ABCA13: variants seen among roughly 807,000 people sequenced by gnomAD.
ABCA13 encodes the protein ATP binding cassette subfamily A member 13, also known as ATP-binding cassette sub-family A member 13.
ABCA13 carries 476 observed loss-of-function variants against 478.7 expected under a neutral mutation model. The observed-to-expected ratio is 0.99, with a 90% confidence interval of 0.92 to 1.07. ABCA13 has a LOEUF of 1.07. Ranked by LOEUF, ABCA13 falls within the 50% of genes least tolerant of loss-of-function variation. The probability of loss-of-function intolerance (pLI) is 0.00; values close to 1 mark genes in which losing one functional copy is unlikely to be tolerated. For missense variants in ABCA13, 6,060 were observed against 5,910.6 expected (o/e 1.03, Z -0.83); for synonymous variants, 2,252 against 2,158.9 (o/e 1.04, Z -1.20).
chr7:48,289,454 G>C (rs1444563203), intron 20 of ABCA13, among the ~76,000 whole-genome samples: 1 of 151,606 alleles, frequency 6.6e-6, no homozygotes, highest in African/African-American at 2.4e-5. Flanking sequence ...TGCCTCCCGG[G>C]TTCAAGTGAT....
rs1167357325 is a variant in ABCA13 at position 48,279,972 on chromosome 7, A to G, written c.8726+52A>G. The G allele has an allele frequency of 2.7e-6, 4 of 1,456,380 alleles. No homozygotes were observed. In the African/African-American group the frequency reaches 4.3e-5, roughly 15 times the overall value. The allele number at this position is 1,456,380 out of a possible 1,614,324, so 90.2% of individuals were successfully genotyped here. A position where few individuals can be genotyped will look rare whatever the true frequency, so the allele number is the denominator to read the frequency against. Reference sequence around the variant, plus strand: ...TTTTTTTCTCTACCGCAGTAGCTATAAAATAGAACCATGCAGGAATTACAG... The same window carrying G: ...TTTTTTTCTCTACCGCAGTAGCTATGAAATAGAACCATGCAGGAATTACAG... On this transcript the variant is annotated intron_variant, in intron 18 of 61. Coordinates refer to ENST00000435803, the MANE Select transcript of ABCA13 (RefSeq NM_152701.5).
intron 42 of ABCA13, among the ~76,000 whole-genome samples, chr7:48,452,160 C>T (rs142212675): frequency 3.3e-5 from 5 of 152,106 alleles, no homozygotes; most frequent in African/African-American, 4.8e-5. Flanking sequence ...ACAGACTTAT[C>T]GAGGCTGTCT....
rs770822658 is a variant in ABCA13, at chr7:48,272,815, C to T, written c.3149C>T (p.Thr1050Ile). ...CTTCAGGCCCAATCCTTCATGTCTA[C>T]AGAGGGCCAAGAACTGGAAGTGATC... ...LELQAQSFMS[T>I]EGQELEVIHT... Residue 1050 changes from threonine to isoleucine, a missense_variant, in exon 17 of 62, where the codon ACA (threonine) becomes ATA (isoleucine). Physicochemically the swap from Thr to Ile is moderately conservative, Grantham distance 89 (BLOSUM62 -1). This residue lies in a region of ABCA13 where 4,423 missense variants were observed against 4,309.1 expected (regional missense o/e 1.03). Transcript: ENST00000435803. 3 of 1,606,220 alleles carry T rather than the reference C, an allele frequency of 1.9e-6. No homozygotes were observed. Among genetic ancestry groups the T allele is most frequent in the South Asian group, 2.2e-5 (2 of 90,164 alleles).
chr7:48,537,060 AT>A (rs1833633591), intron 55 of ABCA13, among the ~76,000 whole-genome samples: 1 of 151,932 alleles, frequency 6.6e-6, no homozygotes, highest in South Asian at 2.1e-4. Flanking sequence ...TTTGTGTTTT[AT>A]TTCTATAAGT....
intron 59 of ABCA13, among the ~76,000 whole-genome samples, chr7:48,636,776 C>T (rs1201688073): frequency 2.6e-5 from 4 of 152,286 alleles, no homozygotes; most frequent in African/African-American, 7.2e-5. Context: ...TCAGCTGTTT[C>T]CCCTCTTGTG....
rs935724361 is a variant in ABCA13 at position 48,481,170 on chromosome 7, T to C, written c.13094+16T>C. 6.6e-7 allele frequency: 1 copy of C among 1,518,588 alleles called. No homozygotes were observed. Among genetic ancestry groups the C allele is most frequent in the Non-Finnish European group, 9.0e-7 (1 of 1,112,232 alleles). The allele number at this position is 1,518,588 out of a possible 1,614,324, so 94.1% of individuals were successfully genotyped here. A position where few individuals can be genotyped will look rare whatever the true frequency, so the allele number is the denominator to read the frequency against. Reference sequence around the variant, plus strand: ...AAAAACCAAGGTGTGTTCAATACTCTTGTTGGGTCTTTACTTGTTTGGATT... The same window carrying C: ...AAAAACCAAGGTGTGTTCAATACTCCTGTTGGGTCTTTACTTGTTTGGATT... On this transcript the variant is annotated intron_variant, in intron 46 of 61. Transcript: ENST00000435803.
At chr7:48,222,630 A>G (rs1183277672) in intron 5 of ABCA13, among the ~76,000 whole-genome samples, 1 of 152,204 alleles carries the variant, frequency 6.6e-6, no homozygotes, top group East Asian at 1.9e-4. Context: ...ATCAAGTGTA[A>G]AAAGCAGAGG....
Position 48,389,146 on chromosome 7 carries a change from C to T in ABCA13, c.11580C>T (p.Asp3860=), listed in dbSNP as rs369273399. ...EYEGHKAVVQ[D]LSLTFYRDQI... ...AGGGCCACAAGGCTGTGGTCCAAGACCTCAGCCTGACCTTCTACAGAGACC... is the reference window on the plus strand; with the variant it reads ...AGGGCCACAAGGCTGTGGTCCAAGATCTCAGCCTGACCTTCTACAGAGACC... Residue 3860 remains aspartate, a synonymous_variant, in exon 37 of 62, where the codon GAC becomes GAT. Coordinates refer to ENST00000435803, the MANE Select transcript of ABCA13 (RefSeq NM_152701.5). The T allele has an allele frequency of 1.9e-6, 3 of 1,613,986 alleles. No individual in the cohort carries two copies. Among genetic ancestry groups the T allele is most frequent in the South Asian group, 1.1e-5 (1 of 91,078 alleles).
intron 8 of ABCA13, among the ~76,000 whole-genome samples, chr7:48,238,506 T>C (rs1213423534): frequency 1.3e-5 from 2 of 151,982 alleles, no homozygotes; most frequent in African/African-American, 4.8e-5. Context: ...TCTCACTCTG[T>C]TGCCCAGGCT....
intron 3 of ABCA13, among the ~76,000 whole-genome samples, chr7:48,205,151 T>A (rs1298563245): frequency 6.6e-6 from 1 of 152,230 alleles, no homozygotes; most frequent in Non-Finnish European, 1.5e-5. Flanking sequence ...CTTATTTTAT[T>A]TTTACACCGT....
chr7:48,295,976 T>G (rs889232092), intron 21 of ABCA13, 113 bp downstream of exon 21: 11 of 1,231,316 alleles, frequency 8.9e-6, no homozygotes, highest in Non-Finnish European at 1.2e-5. Flanking sequence ...ATACTCTTAA[T>G]GTGCATATTA....
At chr7:48,390,423 A>G (rs1026335769) in intron 37 of ABCA13, among the ~76,000 whole-genome samples, 1 of 152,262 alleles carries the variant, frequency 6.6e-6, no homozygotes, top group African/African-American at 2.4e-5. Context: ...ACTATTTTAT[A>G]GTATCCCCCA....
chr7:48,474,757 T>G (rs1322451996), intron 45 of ABCA13, among the ~76,000 whole-genome samples: 1 of 152,146 alleles, frequency 6.6e-6, no homozygotes, highest in East Asian at 1.9e-4. Flanking sequence ...AGATCTCTGA[T>G]TTTTTACACC....
chr7:48,620,735 T>C (rs1793056327), intron 59 of ABCA13, among the ~76,000 whole-genome samples: 1 of 152,174 alleles, frequency 6.6e-6, no homozygotes, highest in African/African-American at 2.4e-5. Context: ...TGGCCAGATC[T>C]GAAACGTGTC....
Position 48,279,084 on chromosome 7 carries a change from C to T in ABCA13, c.7890C>T (p.Asp2630=). 6.2e-7 allele frequency: 1 copy of T among 1,612,474 alleles called. No individual in the cohort carries two copies. The highest frequency in any genetic ancestry group is 8.5e-7 in the Non-Finnish European group (1 of 1,179,684). The change falls in exon 18 of 62, where the codon GAC becomes GAT. Residue 2630 remains aspartate (D), a synonymous_variant. Transcript: ENST00000435803. ...TCTCATATATGAACCAATCTAAGGACTTTTCTGATATTTTGGAAGAAATTG... is the reference window on the plus strand; with the variant it reads ...TCTCATATATGAACCAATCTAAGGATTTTTCTGATATTTTGGAAGAAATTG... ...SILSYMNQSK[D]FSDILEEIAE...
chr7:48,575,520 G>A (rs904312850), intron 55 of ABCA13, among the ~76,000 whole-genome samples: 21 of 152,030 alleles, frequency 1.4e-4, no homozygotes, highest in African/African-American at 3.1e-4. Context: ...TTAAAAGTGC[G>A]GAATATTAAA....
Position 48,227,329 on chromosome 7 carries a change from G to A in ABCA13, c.536G>A (p.Trp179Ter). ...AGCCTCCATCAGCAGCCTCATATCT[G>A]GGATTTTCTACTTTTACTGCCGAGA... ...LESLHQQPHI[W>*]DFLLLLPRLH... Residue 179 changes from tryptophan to a stop codon, truncating the protein, a stop_gained, in exon 6 of 62, where the codon TGG becomes TAG. Coordinates refer to ENST00000435803, the MANE Select transcript of ABCA13 (RefSeq NM_152701.5). LOFTEE classifies it high-confidence loss of function. 6.5e-7 allele frequency: 1 copy of A among 1,540,112 alleles called. No individual in the cohort carries two copies. Among genetic ancestry groups the A allele is most frequent in the Non-Finnish European group, 8.7e-7 (1 of 1,144,058 alleles).
chr7:48,227,487 A>G (rs543507761), intron 6 of ABCA13, 62 bp downstream of exon 6: 2 of 1,526,890 alleles, frequency 1.3e-6, no homozygotes, highest in Non-Finnish European at 1.8e-6. Flanking sequence ...TTATTTTTAA[A>G]ATGAGAAATA....
rs763581695 is a variant in ABCA13, at chr7:48,309,813, G to A, written c.9322-134G>A. ...AATCGAACCCCAGTTTGGGCTCCCC[G>A]CATCTGCAGGTCAGTCCCGGGAGTT... On this transcript the variant is annotated intron_variant, in intron 23 of 61. Transcript: ENST00000435803. The A allele has an allele frequency of 4.8e-4, 426 of 895,150 alleles. 1 individual carries two copies. The highest frequency in any genetic ancestry group is 6.7e-4 in the Non-Finnish European group (402 of 597,680). The allele number at this position is 895,150 out of a possible 1,614,324, so 55.5% of individuals were successfully genotyped here. A position where few individuals can be genotyped will look rare whatever the true frequency, so the allele number is the denominator to read the frequency against.
Sources: allele counts gnomAD v4.1 joint callset (sites outside exome capture counted in the v4.1 genomes callset), GRCh38; gene constraint gnomAD v4.1.1; regional missense constraint gnomAD v4.1.1; transcripts MANE v1.5; gene names NCBI Gene and HGNC (gene_info 2026-07-23, HGNC 2026-07-21).